Variants in ADK observed in about 807,000 individuals in gnomAD.
The protein encoded by ADK is N6,N6-dimethyladenosine kinase.
A neutral mutation model predicts 44.7 loss-of-function variants in ADK; 24 were observed. That is an observed-to-expected ratio of 0.54 (90% CI 0.39 to 0.76). The LOEUF is 0.76. Among genes scored for constraint, ADK ranks in the 30% least tolerant of loss-of-function variants. The pLI, the probability that ADK is intolerant of heterozygous loss-of-function variation, is 0.00. For synonymous variants in ADK, 128 were observed against 142.6 expected (o/e 0.90, Z 0.73); for missense variants, 321 against 425.1 (o/e 0.76, Z 2.15).
intron 4 of ADK, chr10:74,371,487 G>A (rs1457312730): frequency 7.3e-6 from 5 of 685,614 alleles, no homozygotes; most frequent in East Asian, 2.7e-5. Flanking sequence ...ACGTCCATAC[G>A]GCGTTCTTTC....
At chr10:74,468,591 T>A (rs1312670976) in intron 6 of ADK, among the ~76,000 whole-genome samples, 1 of 152,186 alleles carries the variant, frequency 6.6e-6, no homozygotes, top group Non-Finnish European at 1.5e-5. Context: ...AGGCATAGTT[T>A]TGCCACTAAT....
chr10:74,535,724 A>T (rs1006308718), intron 7 of ADK, among the ~76,000 whole-genome samples: 1 of 151,728 alleles, frequency 6.6e-6, no homozygotes, highest in African/African-American at 2.4e-5. Flanking sequence ...CTGAGACTAC[A>T]GGCGTGCACA....
intron 9 of ADK, among the ~76,000 whole-genome samples, chr10:74,652,046 C>CTTTTTTTTTTTTTTT (rs1401635840): frequency 7.2e-6 from 1 of 138,554 alleles, no homozygotes. Flanking sequence ...AACTTTCTTT[C>CTTTTTTTTTTTTTTT]TTTCTTTTTT....
chr10:74,449,742 G>A (rs1165785121), intron 6 of ADK, among the ~76,000 whole-genome samples: 1 of 152,126 alleles, frequency 6.6e-6, no homozygotes, highest in Non-Finnish European at 1.5e-5. Flanking sequence ...ATTGAGGCAG[G>A]AGTATGTGTG....
intron 1 of ADK, among the ~76,000 whole-genome samples, chr10:74,170,564 C>T (rs1053740872): frequency 6.6e-5 from 10 of 151,756 alleles, no homozygotes; most frequent in African/African-American, 1.9e-4. Context: ...TTTGGGAGGC[C>T]GAGGCAGGCG....
chr10:74,413,388 G>A (rs958648129), intron 6 of ADK, among the ~76,000 whole-genome samples: 12 of 152,194 alleles, frequency 7.9e-5, no homozygotes, highest in African/African-American at 2.4e-4. Context: ...CTTCATCAAT[G>A]ATGTTGGCAA....
At chr10:74,493,305 C>G (rs559810349) in intron 6 of ADK, among the ~76,000 whole-genome samples, 1 of 151,954 alleles carries the variant, frequency 6.6e-6, no homozygotes, top group South Asian at 2.1e-4. Context: ...CCTCAGGCCT[C>G]CCTAGTAGTT....
chr10:74,257,761 TTAAAC>T (rs1344838618), intron 3 of ADK, among the ~76,000 whole-genome samples: 3 of 152,336 alleles, frequency 2.0e-5, no homozygotes, highest in South Asian at 2.1e-4. Flanking sequence ...GGCAATAAAT[TTAAAC>T]TATAGAAAAA....
chr10:74,180,104 T>C (rs1443614376), intron 1 of ADK, among the ~76,000 whole-genome samples: 1 of 152,050 alleles, frequency 6.6e-6, no homozygotes, highest in Admixed American at 6.5e-5. Context: ...GCAATGGCTA[T>C]GAAAGAATAC....
At chr10:74,442,548 C>T (rs772163876) in intron 6 of ADK, among the ~76,000 whole-genome samples, 15 of 152,026 alleles carry the variant, frequency 9.9e-5, no homozygotes, top group Non-Finnish European at 1.6e-4. Flanking sequence ...TGGGAAGCTG[C>T]GGCAGGAGAA....
intron 6 of ADK, among the ~76,000 whole-genome samples, chr10:74,457,926 T>C (rs1397514633): frequency 6.6e-6 from 1 of 151,996 alleles, no homozygotes; most frequent in African/African-American, 2.4e-5. Context: ...AGATGACGGG[T>C]TGATGGGTAC....
chr10:74,329,827 T>G (rs1248417580), intron 4 of ADK, among the ~76,000 whole-genome samples: 1 of 152,146 alleles, frequency 6.6e-6, no homozygotes, highest in Non-Finnish European at 1.5e-5. Flanking sequence ...TATGAACAAT[T>G]ATATGTATCA....
intron 4 of ADK, among the ~76,000 whole-genome samples, chr10:74,387,234 C>T (rs1843176436): frequency 6.6e-6 from 1 of 152,154 alleles, no homozygotes; most frequent in African/African-American, 2.4e-5. Context: ...TGCGCCTGGC[C>T]TGGTATTTCA....
At chr10:74,648,098 A>G (rs760192837) in intron 9 of ADK, among the ~76,000 whole-genome samples, 5 of 152,062 alleles carry the variant, frequency 3.3e-5, no homozygotes, top group South Asian at 2.1e-4. Context: ...GTATATATAT[A>G]TACACATACA....
chr10:74,637,578 C>T (rs117217921), intron 9 of ADK, among the ~76,000 whole-genome samples: 157 of 152,300 alleles, frequency 1.0e-3, no homozygotes, highest in Non-Finnish European at 1.8e-3. Flanking sequence ...TCTCTACAGA[C>T]GACTGGTACC....
intron 4 of ADK, among the ~76,000 whole-genome samples, chr10:74,318,283 T>C (rs1392063551): frequency 6.6e-6 from 1 of 152,104 alleles, no homozygotes; most frequent in Non-Finnish European, 1.5e-5. Context: ...TTCCTCCATC[T>C]CCACCTCCAT....
intron 4 of ADK, among the ~76,000 whole-genome samples, chr10:74,353,854 C>T (rs749493540): frequency 6.6e-6 from 1 of 151,924 alleles, no homozygotes; most frequent in African/African-American, 2.4e-5. Flanking sequence ...GGCGACAGAG[C>T]GAGACTCTGT....
At chr10:74,552,858 A>G (rs1850084442) in intron 7 of ADK, among the ~76,000 whole-genome samples, 1 of 152,168 alleles carries the variant, frequency 6.6e-6, no homozygotes, top group African/African-American at 2.4e-5. Flanking sequence ...AGGAAACACA[A>G]ATTAACATCA....
At chr10:74,564,114 A>T (rs562244423) in intron 7 of ADK, among the ~76,000 whole-genome samples, 1 of 148,154 alleles carries the variant, frequency 6.7e-6, no homozygotes, top group Non-Finnish European at 1.5e-5. Context: ...TCATTGTTCA[A>T]TTCCCACCTA....
Sources: gnomAD v4.1 joint callset for allele counts (sites outside exome capture counted in the v4.1 genomes callset) on GRCh38, gnomAD v4.1.1 for gene constraint, MANE v1.5 for transcripts, NCBI Gene and HGNC (gene_info 2026-07-23, HGNC 2026-07-21) for gene names.